Variants in NAA11 observed in about 807,000 individuals in gnomAD.
NAA11 encodes N-alpha-acetyltransferase 11.
Under a neutral mutation model 16.1 loss-of-function variants are expected in NAA11, and 15 were observed. The observed-to-expected ratio is 0.93, with a 90% CI of 0.62 to 1.44. The LOEUF (loss-of-function observed/expected upper bound fraction) is 1.44, where lower values mean the gene tolerates loss of function less well. Among genes scored for constraint, NAA11 ranks in the 40% most tolerant of loss-of-function variants. The probability of loss-of-function intolerance (pLI) is 0.00; values close to 1 mark genes in which losing one functional copy is unlikely to be tolerated. For synonymous variants in NAA11, 122 were observed against 112.4 expected (o/e 1.09, Z -0.54); for missense variants, 298 against 291.3 (o/e 1.02, Z -0.17).
intron 2 of NAA11, among the ~76,000 whole-genome samples, chr4:79,239,135 A>G (rs1453326924): frequency 6.6e-6 from 1 of 152,198 alleles, no homozygotes; most frequent in Non-Finnish European, 1.5e-5. Flanking sequence ...CGAGTTGGCA[A>G]GGCTTGGGAG....
chr4:79,182,279 T>C, the NAA11 span, among the ~76,000 whole-genome samples: 1 of 152,198 alleles, frequency 6.6e-6, no homozygotes, highest in African/African-American at 2.4e-5. Flanking sequence ...ATGTCTGTTG[T>C]GTATTCATGG....
intron 2 of NAA11, among the ~76,000 whole-genome samples, chr4:79,240,158 T>C (rs1242233914): frequency 6.6e-6 from 1 of 152,188 alleles, no homozygotes; most frequent in Non-Finnish European, 1.5e-5. Context: ...ACAGAATAAT[T>C]TATCCTTTTT....
intron 1 of NAA11, among the ~76,000 whole-genome samples, chr4:79,318,578 T>C (rs930900158): frequency 1.3e-5 from 2 of 152,216 alleles, no homozygotes; most frequent in Admixed American, 6.5e-5. Context: ...TACAAAATCA[T>C]TGTTATAGAA....
rs78977210 is a variant in NAA11 at position 79,290,148 on chromosome 4, G to A, written c.*122+3857C>T. Reference sequence around the variant, plus strand: ...AGAGAACGCTGGGTCTCTCCAGGAAGGTTTCCTTGGTCCCAAGATTTTATG... The same window carrying A: ...AGAGAACGCTGGGTCTCTCCAGGAAAGTTTCCTTGGTCCCAAGATTTTATG... On this transcript the variant is annotated intron_variant and NMD_transcript_variant, in intron 2 of 2. Transcript: ENST00000511542. Among the ~76,000 whole-genome samples the A allele has an allele frequency of 4.5e-3, 683 of 152,280 alleles. 3 individuals are homozygous for A. The highest frequency in any genetic ancestry group is 6.4e-3 in the Non-Finnish European group (438 of 68,032).
At chr4:79,171,150 T>A in the NAA11 span, among the ~76,000 whole-genome samples, 1 of 152,168 alleles carries the variant, frequency 6.6e-6, no homozygotes, top group Non-Finnish European at 1.5e-5. Flanking sequence ...GGAAACCTAA[T>A]CCCCAAGGCA....
intron 2 of NAA11, among the ~76,000 whole-genome samples, chr4:79,253,377 A>G (rs1722036612): frequency 6.6e-6 from 1 of 152,190 alleles, no homozygotes; most frequent in African/African-American, 2.4e-5. Flanking sequence ...CAATACTAGT[A>G]TTTAAAGCCA....
At chr4:79,204,501 T>A in the NAA11 span, among the ~76,000 whole-genome samples, 1 of 151,056 alleles carries the variant, frequency 6.6e-6, no homozygotes, top group East Asian at 1.9e-4. Context: ...CCCTCTTTTT[T>A]CCTGCCTCCC....
At chr4:79,198,308 A>T in the NAA11 span, among the ~76,000 whole-genome samples, 1 of 151,904 alleles carries the variant, frequency 6.6e-6, no homozygotes, top group Non-Finnish European at 1.5e-5. Context: ...TGGTAGCAAA[A>T]TCACGCATCT....
At chr4:79,290,943 A>G (rs1258768093) in intron 2 of NAA11, among the ~76,000 whole-genome samples, 1 of 152,182 alleles carries the variant, frequency 6.6e-6, no homozygotes, top group Admixed American at 6.5e-5. Flanking sequence ...AGATATTTCT[A>G]TCATTGTGGA....
chr4:79,229,187 T>C (rs907731485), intron 2 of NAA11, among the ~76,000 whole-genome samples: 1 of 152,014 alleles, frequency 6.6e-6, no homozygotes, highest in African/African-American at 2.4e-5. Context: ...CTAGAAATTC[T>C]ATACTTTTAT....
downstream of NAA11, chr4:79,316,624 A>T (rs1578195569): frequency 6.6e-6 from 1 of 152,338 alleles, no homozygotes; most frequent in East Asian, 1.9e-4. Context: ...GTGAACATAA[A>T]AACAACATTA....
the NAA11 span, among the ~76,000 whole-genome samples, chr4:79,168,264 C>T: frequency 1.3e-5 from 2 of 152,106 alleles, no homozygotes; most frequent in Non-Finnish European, 2.9e-5. Context: ...TTTATCCAGT[C>T]TATCATTGAT....
chr4:79,181,253 C>T, the NAA11 span, among the ~76,000 whole-genome samples: 2 of 151,688 alleles, frequency 1.3e-5, no homozygotes. Context: ...AGCCATACAG[C>T]CTTTGTCCAC....
chr4:79,228,336 A>G (rs1721373171), intron 2 of NAA11, among the ~76,000 whole-genome samples: 1 of 152,048 alleles, frequency 6.6e-6, no homozygotes, highest in Non-Finnish European at 1.5e-5. Context: ...GAATTTGGAA[A>G]TTATTTTATT....
downstream of NAA11, among the ~76,000 whole-genome samples, chr4:79,225,473 T>C (rs1427741372): frequency 6.6e-6 from 1 of 152,068 alleles, no homozygotes; most frequent in Non-Finnish European, 1.5e-5. Context: ...AAAGCTCTTT[T>C]AATATTCTTG....
the NAA11 span, among the ~76,000 whole-genome samples, chr4:79,212,302 GT>G: frequency 6.6e-6 from 1 of 151,990 alleles, no homozygotes; most frequent in African/African-American, 2.4e-5. Flanking sequence ...TGTTATTAAA[GT>G]TTTTCTTTTC....
intron 1 of NAA11, among the ~76,000 whole-genome samples, chr4:79,296,555 G>A (rs1723227731): frequency 6.6e-6 from 1 of 152,172 alleles, no homozygotes; most frequent in South Asian, 2.1e-4. Flanking sequence ...CTGGGAAAGA[G>A]CTCCTCATTA....
At chr4:79,213,491 A>G in the NAA11 span, among the ~76,000 whole-genome samples, 1 of 152,188 alleles carries the variant, frequency 6.6e-6, no homozygotes, top group African/African-American at 2.4e-5. Context: ...AGCATAAACT[A>G]TCCCATTTAT....
intron 1 of NAA11, among the ~76,000 whole-genome samples, chr4:79,323,681 C>T (rs1417931014): frequency 1.4e-4 from 21 of 152,244 alleles, no homozygotes; most frequent in African/African-American, 5.1e-4. Flanking sequence ...ATTAGCCAGG[C>T]GTGGTGGCAG....
Sources: gnomAD v4.1 joint callset for allele counts (sites outside exome capture counted in the v4.1 genomes callset) on GRCh38, gnomAD v4.1.1 for gene constraint, MANE v1.5 for transcripts, NCBI Gene and HGNC (gene_info 2026-07-23, HGNC 2026-07-21) for gene names.